The following OFD1 variants were observed in gnomAD, a reference collection of about 807,000 sequenced individuals.
OFD1 encodes centriole and centriolar satellite protein OFD1.
OFD1 carries 12 observed loss-of-function variants against 81.4 expected under a neutral mutation model. That is an observed-to-expected ratio of 0.15 (90% CI 0.09 to 0.24). The LOEUF is 0.24. Ranked by LOEUF, OFD1 falls within the 10% of genes least tolerant of loss-of-function variation. The probability of loss-of-function intolerance (pLI) is 1.00; values close to 1 mark genes in which losing one functional copy is unlikely to be tolerated. For missense variants in OFD1, 685 were observed against 733.9 expected, an observed-to-expected ratio of 0.93 and a Z score of 0.77; for synonymous variants, 256 against 263.7, an observed-to-expected ratio of 0.97 and a Z score of 0.28.
Position 13,760,306 on chromosome X carries a change from G to A in OFD1, c.1846G>A (p.Val616Met). 1 of 1,211,400 alleles carries A rather than the reference G, an allele frequency of 8.3e-7. No individual in the cohort carries two copies. Among genetic ancestry groups the A allele is most frequent in the Non-Finnish European group, 1.1e-6 (1 of 895,098 alleles). The change falls in exon 16 of 23, where the codon GTG becomes ATG. Residue 616 changes from valine (V) to methionine (M), a missense_variant. This residue lies in a region of OFD1 where 414 missense variants were observed against 447.2 expected (regional missense o/e 0.93). Transcript: ENST00000340096. ...GATCACAAATTATCCAACTGCATGGGTGGAGGGTAGTTCCCCTGATTCTGA... is the reference window on the plus strand; with the variant it reads ...GATCACAAATTATCCAACTGCATGGATGGAGGGTAGTTCCCCTGATTCTGA... ...SRITNYPTAW[V>M]EGSSPDSDLE...
chrX:13,761,369 C>T (rs1003854138), intron 17 of OFD1, among the ~76,000 whole-genome samples, 158 bp downstream of exon 17: 13 of 110,462 alleles, frequency 1.2e-4, no homozygotes, highest in Non-Finnish European at 2.5e-4. Flanking sequence ...GATATGTCAT[C>T]TTTGAGAATC....
Position 13,734,758 on chromosome X carries a change from A to T in OFD1, c.-314A>T. The T allele has an allele frequency of 9.6e-7, 1 of 1,044,425 alleles. No homozygotes were observed. Among genetic ancestry groups the T allele is most frequent in the Non-Finnish European group, 1.2e-6 (1 of 818,512 alleles). 86.1% of individuals were successfully genotyped at this position (1,044,425 alleles called of 1,213,427 possible). Reference sequence around the variant, plus strand: ...TCCGGAAGTTGCCGGACTGGCTGTGAGGCGGTCCTGCCTCGCTGCCTTCAG... The same window carrying T: ...TCCGGAAGTTGCCGGACTGGCTGTGTGGCGGTCCTGCCTCGCTGCCTTCAG... On this transcript the variant is annotated 5_prime_UTR_variant, in exon 1 of 23. Transcript: ENST00000340096.
intron 20 of OFD1, among the ~76,000 whole-genome samples, chrX:13,767,692 C>T (rs2048185346): frequency 9.0e-6 from 1 of 111,654 alleles, no homozygotes; most frequent in East Asian, 2.8e-4. Flanking sequence ...ACACTCCCTC[C>T]CTCCTTCCTC....
At chrX:13,760,030 T>G in intron 15 of OFD1, 85 bp from the exon 16 acceptor site, 1 of 1,154,567 alleles carries the variant, frequency 8.7e-7, no homozygotes, top group East Asian at 3.0e-5. Flanking sequence ...CTCTCTTCCA[T>G]TTTTCAAAAA....
chrX:13,766,041 T>C (rs1228960962), intron 19 of OFD1, among the ~76,000 whole-genome samples: 2 of 111,790 alleles, frequency 1.8e-5, no homozygotes, highest in African/African-American at 6.5e-5. Flanking sequence ...GCAAGGAAGA[T>C]AGAGCCACGG....
chrX:13,760,166 C>A lies in OFD1; in HGVS notation c.1706C>A (p.Ser569Tyr). 8.3e-7 allele frequency: 1 copy of A among 1,211,401 alleles called. No homozygotes were observed. Among genetic ancestry groups the A allele is most frequent in the Non-Finnish European group, 1.1e-6 (1 of 895,026 alleles). ...CCAAAGCAGTCTGTGATCGATCGTTCTGTCAATGGATTAATAAATGGCAAT... is the reference window on the plus strand; with the variant it reads ...CCAAAGCAGTCTGTGATCGATCGTTATGTCAATGGATTAATAAATGGCAAT... ...CNPKQSVIDR[S>Y]VNGLINGNVV... The change falls in exon 16 of 23, where the codon TCT (serine) becomes TAT (tyrosine). Residue 569 changes from serine to tyrosine, a missense_variant. By Grantham distance (144) the Ser-to-Tyr change is moderately radical (BLOSUM62 -2). Around this residue, in one of 3 missense-constraint regions of OFD1, gnomAD observed 414 missense variants for 447.2 expected, o/e 0.93. Coordinates refer to ENST00000340096, the MANE Select transcript of OFD1 (RefSeq NM_003611.3).
At chrX:13,744,042 A>C (rs1484462780) in intron 5 of OFD1, among the ~76,000 whole-genome samples, 3 of 111,988 alleles carry the variant, frequency 2.7e-5, no homozygotes, top group Non-Finnish European at 5.6e-5. Flanking sequence ...TGATCCCAGC[A>C]CTTTGGGAGG....
At chrX:13,741,721 T>C (rs1045749982) in intron 5 of OFD1, among the ~76,000 whole-genome samples, 3 of 111,413 alleles carry the variant, frequency 2.7e-5, no homozygotes, top group Admixed American at 9.5e-5. Flanking sequence ...GAGTAGGCAG[T>C]GGAAAGTTAC....
At chrX:13,725,362 C>G in the OFD1 span, among the ~76,000 whole-genome samples, 1 of 112,142 alleles carries the variant, frequency 8.9e-6, no homozygotes, top group Non-Finnish European at 1.9e-5. Context: ...CGACAGACAC[C>G]TCATATAGGC....
At chrX:13,769,393 C>G (rs1352809545), downstream of OFD1, 3 of 285,787 alleles carry the variant, frequency 1.0e-5, no homozygotes, top group Non-Finnish European at 1.8e-5. Context: ...TGAGTATAAC[C>G]TATCTTACTG....
chrX:13,738,195 A>G (rs1569105542), intron 3 of OFD1, among the ~76,000 whole-genome samples: 3 of 112,443 alleles, frequency 2.7e-5, no homozygotes, highest in Non-Finnish European at 5.6e-5. Context: ...TAATCACTTT[A>G]TACTTTTACT....
intron 19 of OFD1, among the ~76,000 whole-genome samples, chrX:13,764,878 C>G (rs1186689388): frequency 9.0e-6 from 1 of 111,271 alleles, no homozygotes; most frequent in Non-Finnish European, 1.9e-5. Flanking sequence ...TCCTGGATTT[C>G]TAGCAGGGGA....
chrX:13,737,910 C>T (rs990854735), intron 3 of OFD1, among the ~76,000 whole-genome samples: 6 of 111,324 alleles, frequency 5.4e-5, no homozygotes, highest in South Asian at 7.5e-4. Flanking sequence ...AGTGCAATGG[C>T]GCAGTCTTGG....
At chrX:13,725,373 G>A in the OFD1 span, among the ~76,000 whole-genome samples, 8 of 112,057 alleles carry the variant, frequency 7.1e-5, no homozygotes, top group South Asian at 1.5e-3. Flanking sequence ...TCATATAGGC[G>A]GGTGCCCCTC....
At chrX:13,767,052 G>T in intron 19 of OFD1, 75 bp from the exon 20 acceptor site, 1 of 1,044,333 alleles carries the variant, frequency 9.6e-7, no homozygotes, top group African/African-American at 1.8e-5. Flanking sequence ...CTTGGCAAGG[G>T]CTCCTGCAGA....
At chrX:13,722,208 C>CCAA in the OFD1 span, 6 of 36,112 alleles carry the variant, frequency 1.7e-4, no homozygotes, top group African/African-American at 7.2e-4. Flanking sequence ...TAAGCAGCAG[C>CCAA]AAAAAAAAAA....
intron 7 of OFD1, 82 bp downstream of exon 7, chrX:13,746,537 T>C: frequency 4.6e-6 from 5 of 1,083,944 alleles, no homozygotes; most frequent in Admixed American, 2.3e-5. Flanking sequence ...TATGGGAAAA[T>C]ATCTAGAACT....
chrX:13,750,509 G>A (rs1301268665), intron 9 of OFD1, among the ~76,000 whole-genome samples: 2 of 112,166 alleles, frequency 1.8e-5, no homozygotes, highest in African/African-American at 6.5e-5. Context: ...AGGAGTTGGT[G>A]CTATGGTTGA....
upstream of OFD1, chrX:13,734,224 A>G: frequency 2.3e-6 from 1 of 439,911 alleles, no homozygotes; most frequent in Non-Finnish European, 4.0e-6. Context: ...TAAACCTACA[A>G]TGCACAGGAC....
Sources: allele counts gnomAD v4.1 joint callset (sites outside exome capture counted in the v4.1 genomes callset), GRCh38; gene constraint gnomAD v4.1.1; regional missense constraint gnomAD v4.1.1; transcripts MANE v1.5; gene names NCBI Gene and HGNC (gene_info 2026-07-23, HGNC 2026-07-21).